Variants in STK3 observed in about 807,000 individuals in gnomAD.
The protein encoded by STK3 is serine/threonine-protein kinase 3.
STK3 carries 41 observed loss-of-function variants against 58.0 expected under a neutral mutation model. The ratio of observed to expected loss-of-function variants is 0.71; its 90% CI spans 0.55 to 0.92. The LOEUF is 0.92. Among genes scored for constraint, STK3 ranks in the 40% least tolerant of loss-of-function variants. The pLI is 0.00. For synonymous variants in STK3, 170 were observed against 191.0 expected, an observed-to-expected ratio of 0.89 and a Z score of 0.91; for missense variants, 479 against 602.7, an observed-to-expected ratio of 0.79 and a Z score of 2.15.
chr8:98,820,450 G>A (rs1442304151), intron 1 of STK3, among the ~76,000 whole-genome samples: 1 of 152,056 alleles, frequency 6.6e-6, no homozygotes, highest in African/African-American at 2.4e-5. Context: ...CCTATTTGAG[G>A]AACAAGCCTA....
chr8:98,403,882 A>G (rs1311691457), intron 3 of STK3, among the ~76,000 whole-genome samples: 1 of 152,194 alleles, frequency 6.6e-6, no homozygotes, highest in African/African-American at 2.4e-5. Context: ...CACCTCTAAA[A>G]CAAGAGAAAT....
intron 1 of STK3, among the ~76,000 whole-genome samples, chr8:98,801,907 C>T (rs561107482): frequency 3.9e-5 from 6 of 152,286 alleles, no homozygotes; most frequent in Middle Eastern, 3.4e-3. Flanking sequence ...AACAGTGGCT[C>T]ATACCTGCAA....
At chr8:98,577,280 A>C (rs1003071838) in intron 8 of STK3, among the ~76,000 whole-genome samples, 3 of 152,134 alleles carry the variant, frequency 2.0e-5, no homozygotes, top group Admixed American at 2.0e-4. Flanking sequence ...CAAAGTCAGG[A>C]GTTCAAGACT....
At chr8:98,579,505 T>A (rs1475135904) in intron 8 of STK3, among the ~76,000 whole-genome samples, 159 bp downstream of exon 8, 1 of 152,176 alleles carries the variant, frequency 6.6e-6, no homozygotes, top group African/African-American at 2.4e-5. Flanking sequence ...CAGAAAAAGA[T>A]AGCAAACATA....
chr8:98,895,066 A>G (rs78298204), intron 1 of STK3, among the ~76,000 whole-genome samples: 4,730 of 152,232 alleles, frequency 0.031, 100 homozygotes, highest in Middle Eastern at 0.068. Context: ...TGGCATGGGA[A>G]CTCAGGAGCA....
At chr8:98,796,476 A>G (rs977368151) in intron 1 of STK3, among the ~76,000 whole-genome samples, 2 of 152,220 alleles carry the variant, frequency 1.3e-5, no homozygotes, top group Non-Finnish European at 2.9e-5. Context: ...CTCAAGATAG[A>G]TTAAAGATTT....
chr8:98,710,811 C>G (rs1230404465), intron 4 of STK3, among the ~76,000 whole-genome samples: 1 of 152,232 alleles, frequency 6.6e-6, no homozygotes, highest in Non-Finnish European at 1.5e-5. Context: ...CAGCACACAG[C>G]TGGAGATCTG....
intron 7 of STK3, among the ~76,000 whole-genome samples, chr8:98,593,896 C>CA (rs902170070): frequency 2.1e-4 from 32 of 151,026 alleles, no homozygotes; most frequent in African/African-American, 6.6e-4. Context: ...CCTACCCCCC[C>CA]AAAAAAAAAT....
chr8:98,558,936 A>C (rs1465623205), intron 8 of STK3, among the ~76,000 whole-genome samples: 1 of 152,138 alleles, frequency 6.6e-6, no homozygotes, highest in South Asian at 2.1e-4. Context: ...GAAACATGCT[A>C]AAGTAACAAT....
At chr8:98,496,042 T>C (rs548225227) in intron 10 of STK3, among the ~76,000 whole-genome samples, 1 of 152,306 alleles carries the variant, frequency 6.6e-6, no homozygotes, top group Non-Finnish European at 1.5e-5. Flanking sequence ...AATCACAGTA[T>C]TTATAATGCT....
At chr8:98,768,653 T>C (rs1459870853) in intron 2 of STK3, among the ~76,000 whole-genome samples, 2 of 152,184 alleles carry the variant, frequency 1.3e-5, no homozygotes, top group Non-Finnish European at 2.9e-5. Context: ...CTACTGTCAA[T>C]TAGGCAACAC....
At chr8:98,810,174 A>G (rs1466848208) in intron 1 of STK3, among the ~76,000 whole-genome samples, 2 of 152,228 alleles carry the variant, frequency 1.3e-5, no homozygotes, top group African/African-American at 4.8e-5. Flanking sequence ...AACTGCTCTC[A>G]TGATCCAATC....
At chr8:98,462,375 G>T (rs996943058) in intron 10 of STK3, among the ~76,000 whole-genome samples, 2 of 152,028 alleles carry the variant, frequency 1.3e-5, no homozygotes, top group African/African-American at 2.4e-5. Context: ...TACTCATGCT[G>T]TTTTCCTTCT....
At chr8:98,844,641 C>G (rs569641749) in intron 3 of STK3, among the ~76,000 whole-genome samples, 1 of 152,104 alleles carries the variant, frequency 6.6e-6, no homozygotes, top group East Asian at 1.9e-4. Context: ...AATTTTTGTA[C>G]TTTTTGTAGA....
intron 1 of STK3, among the ~76,000 whole-genome samples, chr8:98,447,400 A>T (rs1818997539): frequency 6.6e-6 from 1 of 152,028 alleles, no homozygotes; most frequent in Non-Finnish European, 1.5e-5. Flanking sequence ...TAACAACCTC[A>T]AGAACTAAGG....
intron 10 of STK3, among the ~76,000 whole-genome samples, chr8:98,511,733 C>T (rs1824531762): frequency 6.6e-6 from 1 of 152,028 alleles, no homozygotes. Context: ...AAGAGAGAAG[C>T]TCAAGTGTTT....
chr8:98,585,424 C>A (rs1248701306), intron 7 of STK3, among the ~76,000 whole-genome samples: 1 of 151,782 alleles, frequency 6.6e-6, no homozygotes, highest in Non-Finnish European at 1.5e-5. Context: ...GGCATTATTT[C>A]TAAGGGCTCT....
chr8:98,380,220 G>A (rs916604158), intron 1 of STK3, among the ~76,000 whole-genome samples: 2 of 152,118 alleles, frequency 1.3e-5, no homozygotes, highest in African/African-American at 4.8e-5. Context: ...TACGCTCTAC[G>A]TTCCTCTGTA....
At chr8:98,740,990 G>T (rs1238894128) in intron 4 of STK3, among the ~76,000 whole-genome samples, 1 of 152,096 alleles carries the variant, frequency 6.6e-6, no homozygotes, top group Admixed American at 6.5e-5. Context: ...GATCAAAAGA[G>T]ACAAAGAAGG....
Sources: gnomAD v4.1 joint callset for allele counts (sites outside exome capture counted in the v4.1 genomes callset) on GRCh38, gnomAD v4.1.1 for gene constraint, MANE v1.5 for transcripts, NCBI Gene and HGNC (gene_info 2026-07-23, HGNC 2026-07-21) for gene names.